Variants in ADAMTS18 observed in about 807,000 individuals in gnomAD.
ADAMTS18 encodes the protein A disintegrin and metalloproteinase with thrombospondin motifs 18.
A neutral mutation model predicts 165.9 loss-of-function variants in ADAMTS18; 157 were observed. That is an observed-to-expected ratio of 0.95 (90% CI 0.83 to 1.08). The LOEUF is 1.08. Among genes scored for constraint, ADAMTS18 ranks in the 50% least tolerant of loss-of-function variants. The pLI is 0.00. For missense variants in ADAMTS18, 2,040 were observed against 1,534.0 expected, an observed-to-expected ratio of 1.33 and a Z score of -5.51; for synonymous variants, 782 against 578.2, an observed-to-expected ratio of 1.35 and a Z score of -5.06.
intron 3 of ADAMTS18, among the ~76,000 whole-genome samples, chr16:77,403,994 A>C (rs1597232449): frequency 8.3e-6 from 1 of 119,804 alleles, no homozygotes. Context: ...GAAGCAACCC[A>C]CCCTTCCTCC....
chr16:77,291,184 G>T, intron 21 of ADAMTS18, 82 bp downstream of exon 21: 2 of 1,470,880 alleles, frequency 1.4e-6, no homozygotes, highest in South Asian at 1.2e-5. Flanking sequence ...ACCATTAACA[G>T]ACTAAGAGCA....
intron 15 of ADAMTS18, 72 bp downstream of exon 15, chr16:77,321,007 T>G: frequency 6.3e-7 from 1 of 1,590,950 alleles, no homozygotes. Context: ...CAACCACATT[T>G]GGCGTGACTC....
intron 12 of ADAMTS18, 95 bp from the exon 13 acceptor site, chr16:77,326,133 C>T (rs2056092145): frequency 8.2e-7 from 1 of 1,215,976 alleles, no homozygotes; most frequent in Non-Finnish European, 1.2e-6. Context: ...AAGATGAGCA[C>T]TGCCACAGTG....
intron 9 of ADAMTS18, among the ~76,000 whole-genome samples, chr16:77,355,376 T>C (rs760481526): frequency 3.3e-5 from 5 of 152,210 alleles, no homozygotes; most frequent in Admixed American, 2.0e-4. Flanking sequence ...CATTTGGACA[T>C]AAAGCTAGCT....
chr16:77,404,829 A>G (rs758673512), intron 3 of ADAMTS18, among the ~76,000 whole-genome samples: 2 of 152,174 alleles, frequency 1.3e-5, no homozygotes, highest in Non-Finnish European at 2.9e-5. Flanking sequence ...TACTAGGAAG[A>G]TGGCCAAGTA....
chr16:77,373,386 G>C (rs1250400118), intron 3 of ADAMTS18, among the ~76,000 whole-genome samples: 1 of 151,566 alleles, frequency 6.6e-6, no homozygotes, highest in Non-Finnish European at 1.5e-5. Context: ...TTGAACACGG[G>C]AGGCGGAGGT....
At chr16:77,303,854 C>G (rs866960388) in intron 16 of ADAMTS18, among the ~76,000 whole-genome samples, 1 of 152,074 alleles carries the variant, frequency 6.6e-6, no homozygotes, top group Admixed American at 6.5e-5. Context: ...ATGGTGAAAC[C>G]CCATCTCTAC....
chr16:77,357,651 C>T (rs529777563), intron 8 of ADAMTS18, among the ~76,000 whole-genome samples: 4 of 152,150 alleles, frequency 2.6e-5, no homozygotes, highest in African/African-American at 7.2e-5. Context: ...ATTTTATGTG[C>T]GTAAGAAAAT....
intron 13 of ADAMTS18, among the ~76,000 whole-genome samples, 193 bp downstream of exon 13, chr16:77,325,673 A>G (rs11149980): frequency 0.25 from 34,769 of 137,046 alleles, 4,355 homozygotes; most frequent in East Asian, 0.58. Context: ...GGTATCTTAT[A>G]GGGGGAAAAA....
chr16:77,405,861 G>C (rs998782048), intron 3 of ADAMTS18, among the ~76,000 whole-genome samples: 3 of 152,032 alleles, frequency 2.0e-5, no homozygotes, highest in Non-Finnish European at 4.4e-5. Context: ...CCTTCTTTAT[G>C]ACCTCATTTA....
Position 77,364,726 on chromosome 16 carries a change from GA to G in ADAMTS18, c.779-346del, listed in dbSNP as rs796278591. On this transcript the variant is annotated intron_variant, in intron 4 of 22. Coordinates refer to ENST00000282849, the MANE Select transcript of ADAMTS18 (RefSeq NM_199355.4). The stretch of plus-strand genomic sequence containing the variant: ...TAGTAACTCAAAAATGCTCTAAAAG[GA>G]AAAAAAAAGAAAGAAAGAAAAGAAA... Among the ~76,000 whole-genome samples, 128 of 127,696 alleles carry G rather than the reference GA, an allele frequency of 1.0e-3. 1 individual carries two copies. The highest frequency in any genetic ancestry group is 3.8e-3 in the Middle Eastern group (1 of 262). 83.8% of individuals were successfully genotyped at this position (127,696 alleles called of 152,430 possible).
intron 6 of ADAMTS18, among the ~76,000 whole-genome samples, chr16:77,362,667 G>C (rs1334422998): frequency 2.1e-5 from 3 of 144,400 alleles, no homozygotes; most frequent in Non-Finnish European, 4.6e-5. Flanking sequence ...AAAGCGTCTG[G>C]CACATCATAG....
At position 77,431,768 on chromosome 16, in the gene ADAMTS18, C is replaced by T. The variant is rs77151980; in HGVS notation, c.179-157G>A. On this transcript the variant is annotated intron_variant, in intron 2 of 22. Transcript: ENST00000282849. Reference sequence around the variant, plus strand: ...ATATAATTCAGAGCAGCACAGGCAGCAGAAGACCTGTCTCTACAACTAACT... The same window carrying T: ...ATATAATTCAGAGCAGCACAGGCAGTAGAAGACCTGTCTCTACAACTAACT... 1,238 of 790,792 alleles carry T rather than the reference C, an allele frequency of 1.6e-3. 11 individuals carry two copies. The African/African-American group carries it at 0.019, about 12-fold the overall frequency. 49.0% of individuals were successfully genotyped at this position (790,792 alleles called of 1,614,324 possible).
intron 3 of ADAMTS18, among the ~76,000 whole-genome samples, chr16:77,374,001 G>C (rs76893165): frequency 2.6e-4 from 40 of 151,970 alleles, no homozygotes; most frequent in African/African-American, 9.4e-4. Flanking sequence ...TGCAGATCAC[G>C]TGAGGTCAGG....
At position 77,434,663 on chromosome 16, in the gene ADAMTS18, G is replaced by C; in HGVS notation, c.33C>G (p.Phe11Leu). 2.7e-6 allele frequency: 4 copies of C among 1,479,356 alleles called. No homozygotes were observed. Among genetic ancestry groups the C allele is most frequent in the East Asian group, 2.9e-5 (1 of 34,522 alleles). 91.6% of individuals were successfully genotyped at this position (1,479,356 alleles called of 1,614,324 possible). ...TCGGCGGGCCCGAACCCGCAGCCGGGAAGGCACACGCGAGCAGGAGGGCGC... is the reference window on the plus strand; with the variant it reads ...TCGGCGGGCCCGAACCCGCAGCCGGCAAGGCACACGCGAGCAGGAGGGCGC... MECALLLACA[F>L]PAAGSGPPRG... Residue 11 changes from phenylalanine (F) to leucine (L), a missense_variant, in exon 1 of 23, where the codon TTC becomes TTG. Transcript: ENST00000282849.
chr16:77,364,413 T>C, intron 4 of ADAMTS18, 32 bp from the exon 5 acceptor site: 1 of 1,605,258 alleles, frequency 6.2e-7, no homozygotes, highest in South Asian at 1.1e-5. Context: ...TTGGAAGGGA[T>C]ATTAGAGAAT....
chr16:77,315,755 C>T (rs2055875509), intron 16 of ADAMTS18, among the ~76,000 whole-genome samples: 1 of 152,134 alleles, frequency 6.6e-6, no homozygotes, highest in Admixed American at 6.5e-5. Context: ...GATCCAAGTG[C>T]CCTGCTCAGT....
At chr16:77,299,536 C>T (rs1310324320) in intron 17 of ADAMTS18, among the ~76,000 whole-genome samples, 3 of 152,184 alleles carry the variant, frequency 2.0e-5, no homozygotes, top group African/African-American at 4.8e-5. Context: ...GGAAGTCTCA[C>T]TGTCACCAGG....
intron 16 of ADAMTS18, among the ~76,000 whole-genome samples, chr16:77,316,509 A>G (rs1225445701): frequency 1.3e-5 from 2 of 152,042 alleles, no homozygotes; most frequent in South Asian, 2.1e-4. Context: ...TGATGTTGTT[A>G]ATGGGATGAA....
Sources: allele counts gnomAD v4.1 joint callset (sites outside exome capture counted in the v4.1 genomes callset), GRCh38; gene constraint gnomAD v4.1.1; transcripts MANE v1.5; gene names NCBI Gene and HGNC (gene_info 2026-07-23, HGNC 2026-07-21).